Variants in COX7B2 observed in about 807,000 individuals in gnomAD.
The protein encoded by COX7B2 is cytochrome c oxidase subunit 7B2, mitochondrial.
For synonymous variants in COX7B2, 37 were observed against 32.1 expected (o/e 1.15, Z -0.51); for missense variants, 109 against 95.9 (o/e 1.14, Z -0.57).
intron 1 of COX7B2, among the ~76,000 whole-genome samples, chr4:46,850,921 T>C (rs1334090878): frequency 6.6e-6 from 1 of 152,104 alleles, no homozygotes; most frequent in African/African-American, 2.4e-5. Flanking sequence ...TGACATTCAA[T>C]GAGGACCGGT....
chr4:46,797,678 C>T lies in COX7B2; in HGVS notation c.-50+47282G>A, dbSNP rs561516788. ...TGAAGGATACAGGGGCAATGATTCC[C>T]ACCACATCTCCATTCAACTTGGCTA... On this transcript the variant is annotated intron_variant, in intron 2 of 2. Transcript: ENST00000355591. 4.6e-5 allele frequency among the ~76,000 whole-genome samples: 7 copies of T among 152,240 alleles called. No individual in the cohort carries two copies. In the East Asian group the frequency reaches 1.4e-3, roughly 29 times the overall value.
chr4:46,872,767 T>C (rs1021615508), intron 1 of COX7B2, among the ~76,000 whole-genome samples: 1 of 152,168 alleles, frequency 6.6e-6, no homozygotes, highest in Non-Finnish European at 1.5e-5. Flanking sequence ...TGTGCCTAAC[T>C]TCCCTCATCC....
At chr4:46,780,535 A>T (rs1401472956) in intron 2 of COX7B2, among the ~76,000 whole-genome samples, 7 of 152,204 alleles carry the variant, frequency 4.6e-5, no homozygotes, top group African/African-American at 1.4e-4. Context: ...AAAACAAAAA[A>T]GTCTAAACCA....
chr4:46,773,836 G>A (rs1717013243), intron 2 of COX7B2, among the ~76,000 whole-genome samples: 1 of 152,066 alleles, frequency 6.6e-6, no homozygotes, highest in Non-Finnish European at 1.5e-5. Context: ...TCTATAGACT[G>A]CCACTTTGAG....
intron 2 of COX7B2, among the ~76,000 whole-genome samples, chr4:46,800,158 A>C (rs1718577826): frequency 6.6e-6 from 1 of 152,124 alleles, no homozygotes; most frequent in Non-Finnish European, 1.5e-5. Context: ...CATGCTCATA[A>C]ATAGAATCAA....
intron 1 of COX7B2, among the ~76,000 whole-genome samples, chr4:46,887,344 T>G (rs897780323): frequency 2.0e-5 from 3 of 152,214 alleles, no homozygotes; most frequent in African/African-American, 7.2e-5. Context: ...GACCTTCATC[T>G]GAATGCATCC....
chr4:46,746,469 C>T (rs760478195), intron 2 of COX7B2, among the ~76,000 whole-genome samples: 3 of 152,166 alleles, frequency 2.0e-5, no homozygotes, highest in Non-Finnish European at 4.4e-5. Context: ...ATGGAGTACG[C>T]TGTCACCAGA....
At chr4:46,806,016 T>C (rs1482463966) in intron 2 of COX7B2, among the ~76,000 whole-genome samples, 1 of 152,186 alleles carries the variant, frequency 6.6e-6, no homozygotes. Flanking sequence ...AATAAGGACA[T>C]ATACAGTCTC....
At chr4:46,837,445 T>C (rs1015957448) in intron 2 of COX7B2, among the ~76,000 whole-genome samples, 11 of 152,058 alleles carry the variant, frequency 7.2e-5, no homozygotes, top group African/African-American at 1.9e-4. Flanking sequence ...ATTCTACTTA[T>C]ATGAAACATC....
At chr4:46,847,514 G>C (rs1004714156) in intron 1 of COX7B2, among the ~76,000 whole-genome samples, 3 of 152,082 alleles carry the variant, frequency 2.0e-5, no homozygotes, top group Non-Finnish European at 2.9e-5. Context: ...TCTGACTGCA[G>C]CCTTGCAGAA....
At chr4:46,796,457 G>C (rs1270417003) in intron 2 of COX7B2, among the ~76,000 whole-genome samples, 1 of 133,786 alleles carries the variant, frequency 7.5e-6, no homozygotes, top group Middle Eastern at 3.6e-3. Context: ...TGCTGGAGAG[G>C]ATGCGGAGAA....
intron 1 of COX7B2, among the ~76,000 whole-genome samples, chr4:46,893,450 T>C (rs1337784906): frequency 1.3e-5 from 2 of 152,188 alleles, no homozygotes; most frequent in African/African-American, 2.4e-5. Context: ...AGGGCAGAAA[T>C]GCCTCCTTCA....
chr4:46,736,180 C>T (rs866030774), intron 2 of COX7B2, among the ~76,000 whole-genome samples: 1 of 152,054 alleles, frequency 6.6e-6, no homozygotes, highest in Admixed American at 6.5e-5. Context: ...CTTATGTTAC[C>T]GAAACACCAA....
chr4:46,843,727 G>T (rs28418541), intron 2 of COX7B2, among the ~76,000 whole-genome samples: 1 of 151,752 alleles, frequency 6.6e-6, no homozygotes, highest in Non-Finnish European at 1.5e-5. Flanking sequence ...ATGGTTAAAT[G>T]AAGATAATAT....
At chr4:46,854,674 T>C (rs548121842) in intron 1 of COX7B2, among the ~76,000 whole-genome samples, 6 of 152,282 alleles carry the variant, frequency 3.9e-5, no homozygotes, top group South Asian at 2.1e-4. Flanking sequence ...TCTGGCAGCA[T>C]GTATCAAAAG....
intron 1 of COX7B2, among the ~76,000 whole-genome samples, chr4:46,883,946 A>C (rs1158680673): frequency 6.6e-6 from 1 of 152,190 alleles, no homozygotes. Context: ...AGGTACTTAA[A>C]GTATAGAATG....
chr4:46,783,865 A>G (rs1717611596), intron 2 of COX7B2, among the ~76,000 whole-genome samples: 1 of 152,346 alleles, frequency 6.6e-6, no homozygotes, highest in Non-Finnish European at 1.5e-5. Flanking sequence ...TGCATCACAC[A>G]TCAAACAATC....
At chr4:46,834,364 T>C (rs1439434984) in intron 2 of COX7B2, among the ~76,000 whole-genome samples, 1 of 152,088 alleles carries the variant, frequency 6.6e-6, no homozygotes, top group Non-Finnish European at 1.5e-5. Flanking sequence ...ATCTCGAATG[T>C]TGAAATACAT....
At chr4:46,759,931 CTTAT>C in intron 2 of COX7B2, among the ~76,000 whole-genome samples, 1 of 149,464 alleles carries the variant, frequency 6.7e-6, no homozygotes, top group South Asian at 2.2e-4. Context: ...TAAGTCTTAT[CTTAT>C]ATGTTATATA....
Sources: gnomAD v4.1 joint callset for allele counts (sites outside exome capture counted in the v4.1 genomes callset) on GRCh38, gnomAD v4.1.1 for gene constraint, MANE v1.5 for transcripts, NCBI Gene and HGNC (gene_info 2026-07-23, HGNC 2026-07-21) for gene names.